Variants in PIN4 observed in about 807,000 individuals in gnomAD.
PIN4 encodes the protein peptidylprolyl cis/trans isomerase, NIMA-interacting 4.
Under a neutral mutation model 8.3 loss-of-function variants are expected in PIN4, and 3 were observed. That is an observed-to-expected ratio of 0.36 (90% CI 0.16 to 0.93). The LOEUF (loss-of-function observed/expected upper bound fraction) is 0.93. Among genes scored for constraint, PIN4 ranks in the 40% least tolerant of loss-of-function variants. The probability of loss-of-function intolerance (pLI) is 0.44; values close to 1 mark genes in which losing one functional copy is unlikely to be tolerated. For synonymous variants in PIN4, 18 were observed against 32.5 expected, an observed-to-expected ratio of 0.55 and a Z score of 1.52; for missense variants, 75 against 100.6, an observed-to-expected ratio of 0.75 and a Z score of 1.09.
In PIN4 at chrX:72,198,207, G is replaced by A. The variant is rs745343572; in HGVS notation, c.*681G>A. On this transcript the variant is annotated 3_prime_UTR_variant, in exon 4 of 4. Transcript: ENST00000373669. ...TCAGTGTATGGGTTACATTAAGACTGTCCTTTCCAGGGCCAATGTTCTGTG... is the reference window on the plus strand; with the variant it reads ...TCAGTGTATGGGTTACATTAAGACTATCCTTTCCAGGGCCAATGTTCTGTG... The A allele has an allele frequency of 5.3e-6, 4 of 749,508 alleles. No homozygotes were observed. The highest frequency in any genetic ancestry group is 6.3e-6 in the Non-Finnish European group (4 of 634,962). 61.8% of individuals were successfully genotyped at this position (749,508 alleles called of 1,213,427 possible).
At chrX:72,205,255 T>A (rs780855497) in intron 3 of PIN4, 4 of 1,211,980 alleles carry the variant, frequency 3.3e-6, no homozygotes. Context: ...AAGAGAGGTC[T>A]CTTGAGCTAG....
intron 3 of PIN4, chrX:72,239,124 C>T: frequency 2.5e-6 from 1 of 401,948 alleles, no homozygotes; most frequent in African/African-American, 2.5e-5. Context: ...GAGCCCCGCC[C>T]ATGACGGTGG....
intron 3 of PIN4, among the ~76,000 whole-genome samples, chrX:72,220,686 A>G (rs899570364): frequency 8.2e-5 from 9 of 110,304 alleles, no homozygotes; most frequent in Non-Finnish European, 1.7e-4. Context: ...ACCCCGCCAT[A>G]AAACTTCTCC....
chrX:72,241,217 T>G (rs187558696), intron 3 of PIN4, among the ~76,000 whole-genome samples: 286 of 111,770 alleles, frequency 2.6e-3, no homozygotes, highest in African/African-American at 8.5e-3. Context: ...ATTCTTGTGT[T>G]GAAACTTAAT....
chrX:72,232,528 G>A (rs1364439851), intron 3 of PIN4, among the ~76,000 whole-genome samples: 1 of 110,917 alleles, frequency 9.0e-6, no homozygotes, highest in Non-Finnish European at 1.9e-5. Context: ...CGACTTTGCA[G>A]CCAGGCTTGG....
intron 3 of PIN4, among the ~76,000 whole-genome samples, chrX:72,203,806 C>G (rs2042801445): frequency 8.9e-6 from 1 of 111,789 alleles, no homozygotes; most frequent in Non-Finnish European, 1.9e-5. Context: ...AATGAGAAAC[C>G]TGTGTGGAGT....
intron 3 of PIN4, among the ~76,000 whole-genome samples, chrX:72,219,213 G>A (rs183340396): frequency 2.7e-5 from 3 of 111,253 alleles, no homozygotes; most frequent in East Asian, 5.7e-4. Context: ...CAGAGATCGC[G>A]CCATTGCACT....
At chrX:72,190,997 A>G (rs1419772510) in intron 2 of PIN4, among the ~76,000 whole-genome samples, 1 of 107,218 alleles carries the variant, frequency 9.3e-6, no homozygotes, top group Admixed American at 1.0e-4. Flanking sequence ...GCCCTACTGG[A>G]AAGTCACACA....
At chrX:72,202,420 C>T (rs1338235552), downstream of PIN4, among the ~76,000 whole-genome samples, 6 of 112,450 alleles carry the variant, frequency 5.3e-5, no homozygotes, top group African/African-American at 1.9e-4. Flanking sequence ...GGATATAGGC[C>T]GCTAAAGCTT....
chrX:72,231,018 T>C (rs762577203), intron 3 of PIN4, among the ~76,000 whole-genome samples: 83 of 111,047 alleles, frequency 7.5e-4, no homozygotes, highest in Non-Finnish European at 6.2e-4. Flanking sequence ...AGTGCAGAGG[T>C]TCCTCAAAAA....
chrX:72,244,293 A>G (rs1002983583), intron 3 of PIN4, among the ~76,000 whole-genome samples: 3 of 111,906 alleles, frequency 2.7e-5, no homozygotes, highest in Non-Finnish European at 5.6e-5. Flanking sequence ...ACCATGAGGT[A>G]TCTGACCCAA....
intron 2 of PIN4, among the ~76,000 whole-genome samples, chrX:72,195,294 CT>C (rs2042758645): frequency 9.0e-6 from 1 of 111,470 alleles, no homozygotes; most frequent in African/African-American, 3.3e-5. Context: ...CCTATGATAC[CT>C]TTTCAAAGTG....
chrX:72,222,744 C>T (rs892088057), intron 3 of PIN4, among the ~76,000 whole-genome samples: 50 of 108,968 alleles, frequency 4.6e-4, no homozygotes, highest in Non-Finnish European at 5.9e-4. Flanking sequence ...ATTACAGGCG[C>T]GTGTCACCAC....
At chrX:72,253,662 G>A (rs746713880) in intron 3 of PIN4, among the ~76,000 whole-genome samples, 20 of 108,075 alleles carry the variant, frequency 1.9e-4, no homozygotes, top group Non-Finnish European at 2.9e-4. Flanking sequence ...AACGCGGGGC[G>A]TGGTGGCTCA....
chrX:72,191,540 G>A (rs761525777), intron 2 of PIN4, among the ~76,000 whole-genome samples: 1 of 99,243 alleles, frequency 1.0e-5, no homozygotes, highest in East Asian at 3.9e-4. Flanking sequence ...GACAGAGTGA[G>A]ACTCCATCTC....
chrX:72,234,074 C>T (rs779703449), intron 3 of PIN4, among the ~76,000 whole-genome samples: 7 of 109,612 alleles, frequency 6.4e-5, no homozygotes, highest in Non-Finnish European at 1.3e-4. Flanking sequence ...TGCGCCACTG[C>T]ACTCCAGCCT....
intron 3 of PIN4, among the ~76,000 whole-genome samples, chrX:72,243,934 T>G (rs1489070446): frequency 8.9e-6 from 1 of 112,579 alleles, no homozygotes; most frequent in Non-Finnish European, 1.9e-5. Context: ...ACACAGCTTG[T>G]GAATGGTGAA....
At chrX:72,233,855 C>T (rs1383094243) in intron 3 of PIN4, among the ~76,000 whole-genome samples, 1 of 110,101 alleles carries the variant, frequency 9.1e-6, no homozygotes, top group Non-Finnish European at 1.9e-5. Context: ...GGGCTCATGC[C>T]TGTAATCCCA....
chrX:72,205,797 T>C (rs1234810050), intron 3 of PIN4: 4 of 1,212,229 alleles, frequency 3.3e-6, no homozygotes, highest in Non-Finnish European at 4.5e-6. Context: ...GCACAAACCC[T>C]GCTCTGGAAT....
Sources: allele counts gnomAD v4.1 joint callset (sites outside exome capture counted in the v4.1 genomes callset), GRCh38; gene constraint gnomAD v4.1.1; transcripts MANE v1.5; gene names NCBI Gene and HGNC (gene_info 2026-07-23, HGNC 2026-07-21).